TDRD9: variants seen among roughly 807,000 people sequenced by gnomAD.
TDRD9 encodes the protein ATP-dependent RNA helicase TDRD9.
In TDRD9, 124 loss-of-function variants were observed where a neutral mutation model predicts 172.6. The ratio of observed to expected loss-of-function variants is 0.72; its 90% CI spans 0.62 to 0.83. TDRD9 has a LOEUF of 0.83. TDRD9 is among the 40% of genes least tolerant of loss of function. TDRD9 has a pLI of 0.00. For missense variants in TDRD9, 1,479 were observed against 1,714.1 expected (o/e 0.86, Z 2.42); for synonymous variants, 619 against 617.1 (o/e 1.00, Z -0.05).
chr14:103,976,494 C>T lies in TDRD9; in HGVS notation c.1011+941C>T, dbSNP rs200920632. On this transcript the variant is annotated intron_variant, in intron 7 of 35. Coordinates refer to ENST00000409874, the MANE Select transcript of TDRD9 (RefSeq NM_153046.3). Reference sequence around the variant, plus strand: ...TTCACTGTGGTCTCAATCCCCTGACCTCATGATCCGCCCGCCTCAGCCTCC... The same window carrying T: ...TTCACTGTGGTCTCAATCCCCTGACTTCATGATCCGCCCGCCTCAGCCTCC... Among the ~76,000 whole-genome samples, 3 of 152,234 alleles carry T rather than the reference C, an allele frequency of 2.0e-5. No individual in the cohort carries two copies. In the East Asian group the frequency reaches 5.8e-4, roughly 29 times the overall value.
At chr14:103,971,009 A>C (rs1160441335) in intron 6 of TDRD9, among the ~76,000 whole-genome samples, 1 of 150,846 alleles carries the variant, frequency 6.6e-6, no homozygotes, top group African/African-American at 2.4e-5. Context: ...TTTGAGACGG[A>C]GTCTAGCTCT....
At chr14:104,012,268 G>A (rs2034637035) in intron 20 of TDRD9, among the ~76,000 whole-genome samples, 1 of 152,244 alleles carries the variant, frequency 6.6e-6, no homozygotes, top group Non-Finnish European at 1.5e-5. Context: ...CTCTTATCCA[G>A]GAGGGTAAGA....
intron 23 of TDRD9, 127 bp downstream of exon 23, chr14:104,018,319 T>C: frequency 1.7e-6 from 1 of 589,662 alleles, no homozygotes; most frequent in Non-Finnish European, 3.0e-6. Context: ...TGCAATTGGC[T>C]TTCAGAATGT....
chr14:104,028,389 G>T (rs1304450552), intron 28 of TDRD9, among the ~76,000 whole-genome samples: 1 of 151,898 alleles, frequency 6.6e-6, no homozygotes, highest in Non-Finnish European at 1.5e-5. Context: ...ATTCTAACTG[G>T]GGTGAGATGC....
At chr14:103,934,218 G>T (rs2030597998) in intron 1 of TDRD9, among the ~76,000 whole-genome samples, 1 of 152,118 alleles carries the variant, frequency 6.6e-6, no homozygotes. Flanking sequence ...TCACTATGTT[G>T]CCTATGCTGG....
Position 103,952,188 on chromosome 14 carries a change from G to GTATA in TDRD9, c.216-3475_216-3474insATAT, listed in dbSNP as rs2031921492. ...TGTGTATATATGTGTGTGCGTGTGT[G>GTATA]TGTATATATATATATATATATATAT... is the stretch of plus-strand genomic sequence containing the variant. On this transcript the variant is annotated intron_variant, in intron 1 of 35. Coordinates refer to ENST00000409874, the MANE Select transcript of TDRD9 (RefSeq NM_153046.3). Among the ~76,000 whole-genome samples the GTATA allele has an allele frequency of 3.2e-3, 183 of 56,720 alleles. 1 individual carries two copies. The highest frequency in any genetic ancestry group is 5.1e-3 in the Non-Finnish European group (153 of 30,194). The allele number at this position is 56,720 out of a possible 152,430, so 37.2% of individuals were successfully genotyped here. A position where few individuals can be genotyped will look rare whatever the true frequency, so the allele number is the denominator to read the frequency against.
intron 23 of TDRD9, among the ~76,000 whole-genome samples, chr14:104,019,543 A>AT (rs1027223527): frequency 9.9e-5 from 15 of 152,070 alleles, no homozygotes; most frequent in Admixed American, 9.2e-4. Flanking sequence ...TGTCATACCA[A>AT]TTTTTTGGGG....
At chr14:104,050,716 G>T (rs929513131) in intron 35 of TDRD9, among the ~76,000 whole-genome samples, 7 of 152,200 alleles carry the variant, frequency 4.6e-5, no homozygotes, top group South Asian at 2.1e-4. Flanking sequence ...GCCCCATTGT[G>T]TGCAGAGCTC....
At chr14:103,953,422 G>A (rs1483647323) in intron 1 of TDRD9, among the ~76,000 whole-genome samples, 2 of 151,618 alleles carry the variant, frequency 1.3e-5, no homozygotes, top group African/African-American at 4.8e-5. Context: ...GGTAAAAGTT[G>A]GCTTTGATGC....
chr14:103,977,434 A>G (rs185148301), intron 7 of TDRD9, among the ~76,000 whole-genome samples: 2,708 of 127,628 alleles, frequency 0.021, 53 homozygotes, highest in South Asian at 0.093. Context: ...CGGAGCTTGC[A>G]GTGAGCCAAG....
At chr14:104,041,312 G>C (rs1273020543) in intron 33 of TDRD9, among the ~76,000 whole-genome samples, 3 of 152,148 alleles carry the variant, frequency 2.0e-5, no homozygotes, top group Non-Finnish European at 4.4e-5. Flanking sequence ...TGTGACTTTG[G>C]GTGTGGCATG....
chr14:104,035,928 C>A (rs1465365276), intron 32 of TDRD9, among the ~76,000 whole-genome samples: 1 of 151,852 alleles, frequency 6.6e-6, no homozygotes, highest in African/African-American at 2.4e-5. Flanking sequence ...TTTACTCAGT[C>A]CTTTTTGCCA....
At chr14:104,008,066 A>C (rs1045908946) in intron 19 of TDRD9, among the ~76,000 whole-genome samples, 2 of 152,038 alleles carry the variant, frequency 1.3e-5, no homozygotes, top group African/African-American at 4.8e-5. Flanking sequence ...GGCGTGAACC[A>C]CCGCGCCTGG....
intron 8 of TDRD9, among the ~76,000 whole-genome samples, chr14:103,987,654 T>G (rs762434031): frequency 5.9e-4 from 90 of 152,212 alleles, no homozygotes; most frequent in Non-Finnish European, 1.2e-3. Flanking sequence ...TTATGGAGGT[T>G]TGTTGCATGC....
intron 20 of TDRD9, among the ~76,000 whole-genome samples, chr14:104,009,054 A>G (rs2034530002): frequency 6.6e-6 from 1 of 152,246 alleles, no homozygotes; most frequent in South Asian, 2.1e-4. Flanking sequence ...GAACATACTT[A>G]CACAGACCTA....
chr14:104,051,572 G>A (rs1280516137), intron 35 of TDRD9, among the ~76,000 whole-genome samples: 1 of 152,162 alleles, frequency 6.6e-6, no homozygotes, highest in Non-Finnish European at 1.5e-5. Context: ...TCCCACCAAT[G>A]GTGTATAAGC....
At position 104,007,961 on chromosome 14, in the gene TDRD9, A is replaced by C. The variant is rs188432229; in HGVS notation, c.2053-452A>C. Among the ~76,000 whole-genome samples the C allele has an allele frequency of 1.9e-3, 286 of 152,052 alleles. 1 individual carries two copies. Among genetic ancestry groups the C allele is most frequent in the African/African-American group, 6.7e-3 (279 of 41,472 alleles). On this transcript the variant is annotated intron_variant, in intron 19 of 35. Coordinates refer to ENST00000409874, the MANE Select transcript of TDRD9 (RefSeq NM_153046.3). ...CCCAGCTACTTTTTTTGTATTTTTT[A>C]GTAGAGATGGGGTTTCACTGTGTTA...
chr14:104,032,628 A>G (rs189100079), intron 30 of TDRD9, among the ~76,000 whole-genome samples: 4 of 152,290 alleles, frequency 2.6e-5, no homozygotes, highest in Admixed American at 2.0e-4. Flanking sequence ...CAAAGACTAC[A>G]TTTTTTTCTG....
At chr14:104,030,280 G>A (rs2035242863) in intron 28 of TDRD9, among the ~76,000 whole-genome samples, 1 of 152,198 alleles carries the variant, frequency 6.6e-6, no homozygotes, top group African/African-American at 2.4e-5. Flanking sequence ...ATCACCTGAG[G>A]TCAGGAGTTC....
Sources: allele counts gnomAD v4.1 joint callset (sites outside exome capture counted in the v4.1 genomes callset), GRCh38; gene constraint gnomAD v4.1.1; transcripts MANE v1.5; gene names NCBI Gene and HGNC (gene_info 2026-07-23, HGNC 2026-07-21).